Variants in SMARCA4 observed in about 807,000 individuals in gnomAD.
The protein encoded by SMARCA4 is SWI/SNF-related matrix-associated actin-dependent regulator of chromatin subfamily A member 4.
Under a neutral mutation model 193.9 loss-of-function variants are expected in SMARCA4, and 31 were observed. That is an observed-to-expected ratio of 0.16 (90% CI 0.12 to 0.22). The LOEUF is 0.22. SMARCA4 is among the 10% of genes least tolerant of loss of function. The probability of loss-of-function intolerance (pLI) is 1.00; values close to 1 mark genes in which losing one functional copy is unlikely to be tolerated. For missense variants in SMARCA4, 1,148 were observed against 2,296.0 expected (o/e 0.50, Z 10.22); for synonymous variants, 942 against 933.1 (o/e 1.01, Z -0.17).
chr19:11,037,862 A>G (rs1324631962), intron 29 of SMARCA4, among the ~76,000 whole-genome samples: 1 of 152,222 alleles, frequency 6.6e-6, no homozygotes, highest in African/African-American at 2.4e-5. Flanking sequence ...CAGTTGTCCC[A>G]GCAGCATTTG....
chr19:10,970,897 G>C (rs2084613928), intron 1 of SMARCA4, among the ~76,000 whole-genome samples: 1 of 152,190 alleles, frequency 6.6e-6, no homozygotes, highest in Non-Finnish European at 1.5e-5. Context: ...CTGTGTGAGA[G>C]TGTAGAGAAA....
rs1423034658 is a variant in SMARCA4 at position 10,986,223 on chromosome 19, C to T, written c.390C>T (p.Ala130=). ...YPSPLGGSEH[A]SSPVPASGPS... is the part of the protein sequence containing the mutation. ...CGCCCCTGGGTGGCTCTGAGCATGC[C>T]TCTAGTCCAGTTCCAGCCAGTGGCC... Residue 130 remains alanine, a synonymous_variant, in exon 4 of 35, where the codon GCC becomes GCT. Transcript: ENST00000344626. The surrounding 1 kb of genome is among the most constrained non-coding windows in gnomAD (Gnocchi z 6.7). 5 of 1,613,838 alleles carry T rather than the reference C, an allele frequency of 3.1e-6. No individual in the cohort carries two copies. The African/African-American group carries it at 5.3e-5, about 17-fold the overall frequency.
At chr19:10,968,547 T>C (rs957396136) in intron 1 of SMARCA4, among the ~76,000 whole-genome samples, 26 of 152,086 alleles carry the variant, frequency 1.7e-4, no homozygotes, top group African/African-American at 5.8e-4. Flanking sequence ...GGAGACTCGC[T>C]GTGTTACTTA....
chr19:11,061,513 C>T (rs1395882672), intron 34 of SMARCA4, among the ~76,000 whole-genome samples: 1 of 152,054 alleles, frequency 6.6e-6, no homozygotes, highest in Non-Finnish European at 1.5e-5. Context: ...GTAGCTGGGA[C>T]TACAGGCGCC....
chr19:11,028,681 C>T (rs2090431892), intron 24 of SMARCA4, among the ~76,000 whole-genome samples: 1 of 152,262 alleles, frequency 6.6e-6, no homozygotes, highest in African/African-American at 2.4e-5. Context: ...GTTTCTGCGC[C>T]TGCCTGCCCC....
chr19:10,985,135 T>C lies in SMARCA4; in HGVS notation c.223-138T>C. ...GTGTCAGAACCTTGCCTTGGAGTCA[T>C]GCTGGGGACTGGGGAGATGCGCGTC... On this transcript the variant is annotated intron_variant, in intron 2 of 34. Coordinates refer to ENST00000344626, the MANE Select transcript of SMARCA4 (RefSeq NM_003072.5). The surrounding 1 kb of genome is among the most constrained non-coding windows in gnomAD (Gnocchi z 4.5). 1.2e-6 allele frequency: 1 copy of C among 854,190 alleles called. No homozygotes were observed. The highest frequency in any genetic ancestry group is 1.4e-5 in the South Asian group (1 of 71,818). 52.9% of individuals were successfully genotyped at this position (854,190 alleles called of 1,614,324 possible).
At chr19:11,061,327 A>G (rs2076883028) in intron 34 of SMARCA4, among the ~76,000 whole-genome samples, 1 of 150,122 alleles carries the variant, frequency 6.7e-6, no homozygotes, top group Non-Finnish European at 1.5e-5. Context: ...GGCAGGTGAC[A>G]TGGGACAGAG....
In SMARCA4 at chr19:10,992,406, C is replaced by T. The variant is rs537499993; in HGVS notation, c.1419+1083C>T. 9.3e-5 allele frequency among the ~76,000 whole-genome samples: 14 copies of T among 151,172 alleles called. No individual in the cohort carries two copies. The East Asian group carries it at 1.7e-3, about 19-fold the overall frequency. ...TGCTAAGATGGCAGGCGTAATCCCC[C>T]GTGCCTGGCCAACATTTTTTTTTTT... On this transcript the variant is annotated intron_variant, in intron 8 of 34. Coordinates refer to ENST00000344626, the MANE Select transcript of SMARCA4 (RefSeq NM_003072.5).
rs755059270 is a variant in SMARCA4 at position 11,035,102 on chromosome 19, C to T, written c.4140C>T (p.Ser1380=). Residue 1380 remains serine (S), a synonymous_variant, in exon 29 of 35, where the codon AGC becomes AGT. Coordinates refer to ENST00000344626, the MANE Select transcript of SMARCA4 (RefSeq NM_003072.5). The part of the protein sequence containing the change: ...GSRHRKEVDY[S]DSLTEKQWLK... ...GCCACCGCAAGGAGGTGGACTACAG[C>T]GACTCACTGACGGAGAAGCAGTGGC... 19 of 1,612,824 alleles carry T rather than the reference C, an allele frequency of 1.2e-5. No homozygotes were observed. The highest frequency in any genetic ancestry group is 4.5e-5 in the East Asian group (2 of 44,866).
intron 29 of SMARCA4, among the ~76,000 whole-genome samples, chr19:11,036,625 A>G (rs74257937): frequency 6.6e-6 from 1 of 152,048 alleles, no homozygotes; most frequent in Admixed American, 6.6e-5. Flanking sequence ...TGGCTGCTCT[A>G]TGTACATTTT....
At chr19:10,971,476 A>T (rs1430718563) in intron 1 of SMARCA4, among the ~76,000 whole-genome samples, 3 of 148,394 alleles carry the variant, frequency 2.0e-5, no homozygotes, top group African/African-American at 4.9e-5. Context: ...TCCACCCTCT[A>T]TGTGACATTG....
Position 10,986,361 on chromosome 19 carries a change from G to A in SMARCA4, c.528G>A (p.Gln176=), listed in dbSNP as rs910767531. 2 of 1,610,846 alleles carry A rather than the reference G, an allele frequency of 1.2e-6. No homozygotes were observed. The highest frequency in any genetic ancestry group is 1.1e-5 in the South Asian group (1 of 90,634). ...GCCCAACCCCATTTAACCAGAACCA[G>A]CTGCACCAGCTCAGAGCTCAGATCA... ...NRGPTPFNQN[Q]LHQLRAQIMA... The change falls in exon 4 of 35, where the codon CAG becomes CAA. Residue 176 remains glutamine (Q), a synonymous_variant. Transcript: ENST00000344626. The surrounding 1 kb of genome is among the most constrained non-coding windows in gnomAD (Gnocchi z 6.7).
At chr19:11,060,278 A>G (rs2147131205) in intron 34 of SMARCA4, 91 bp downstream of exon 34, 2 of 1,433,882 alleles carry the variant, frequency 1.4e-6, no homozygotes, top group South Asian at 1.2e-5. Context: ...CGGTGCTCCC[A>G]CGCCCCCACG....
At chr19:11,059,374 C>T (rs894039290) in intron 32 of SMARCA4, 5 of 340,306 alleles carry the variant, frequency 1.5e-5, no homozygotes, top group African/African-American at 1.1e-4. Context: ...GGGATTGATT[C>T]CTCTCAGAAA....
chr19:10,979,668 T>G (rs765072814), intron 1 of SMARCA4, among the ~76,000 whole-genome samples: 5 of 150,494 alleles, frequency 3.3e-5, no homozygotes, highest in Admixed American at 6.7e-5. Flanking sequence ...CCCCCAACAT[T>G]ATATTATTTA....
Position 10,985,373 on chromosome 19 carries a change from C to T in SMARCA4, c.323C>T (p.Pro108Leu), listed in dbSNP as rs1198747280. 1 of 1,613,878 alleles carries T rather than the reference C, an allele frequency of 6.2e-7. No homozygotes were observed. Among genetic ancestry groups the T allele is most frequent in the East Asian group, 2.2e-5 (1 of 44,880 alleles). ...MRSGGHAGMG[P>L]PPSPMDQHSQ... ...TCAGGGGGCCATGCTGGGATGGGGCCCCCGCCCAGCCCCATGGACCAGCAC... is the reference window on the plus strand; with the variant it reads ...TCAGGGGGCCATGCTGGGATGGGGCTCCCGCCCAGCCCCATGGACCAGCAC... Residue 108 changes from proline (P) to leucine (L), a missense_variant, in exon 3 of 35, where the codon CCC becomes CTC. By Grantham distance (98) the Pro-to-Leu change is moderately conservative. Transcript: ENST00000344626. This position sits in a 1 kb window ranked among gnomAD's most constrained non-coding sequence, Gnocchi z 4.5.
In SMARCA4 at chr19:11,033,142, G is replaced by T; in HGVS notation, c.3547-148G>T. The T allele has an allele frequency of 1.4e-6, 1 of 710,432 alleles. No homozygotes were observed. 44.0% of individuals were successfully genotyped at this position (710,432 alleles called of 1,614,324 possible). On this transcript the variant is annotated intron_variant, in intron 25 of 34. Coordinates refer to ENST00000344626, the MANE Select transcript of SMARCA4 (RefSeq NM_003072.5). This position sits in a 1 kb window ranked among gnomAD's most constrained non-coding sequence, Gnocchi z 9.8. ...TGGCGGCCCAGGCTCCACCAGCTCT[G>T]TTTTCATGCGGCGGCAGGTCAGGCT... is the stretch of plus-strand genomic sequence containing the variant.
intron 1 of SMARCA4, among the ~76,000 whole-genome samples, chr19:10,978,044 A>G (rs1318105209): frequency 6.6e-6 from 1 of 152,208 alleles, no homozygotes; most frequent in African/African-American, 2.4e-5. Context: ...GTGAGGGCCC[A>G]GTGCGGGGAG....
At chr19:11,026,205 C>T (rs2090241735) in intron 22 of SMARCA4, 95 bp from the exon 23 acceptor site, 2 of 979,060 alleles carry the variant, frequency 2.0e-6, no homozygotes, top group South Asian at 1.3e-5. Context: ...AGTGTGGGGG[C>T]TTTGTCCTCT....
Sources: gnomAD v4.1 joint callset for allele counts (sites outside exome capture counted in the v4.1 genomes callset) on GRCh38, gnomAD v4.1.1 for gene constraint, Gnocchi (gnomAD v3.1) non-coding constraint, MANE v1.5 for transcripts, NCBI Gene and HGNC (gene_info 2026-07-23, HGNC 2026-07-21) for gene names.